Variants in BICC1 observed in about 807,000 individuals in gnomAD.
BICC1 encodes BicC family RNA binding protein 1.
BICC1 carries 43 observed loss-of-function variants against 111.0 expected under a neutral mutation model. That is an observed-to-expected ratio of 0.39 (90% CI 0.30 to 0.50). The LOEUF (loss-of-function observed/expected upper bound fraction) is 0.50. Among genes scored for constraint, BICC1 ranks in the 20% least tolerant of loss-of-function variants. The probability of loss-of-function intolerance (pLI) is 0.88; values close to 1 mark genes in which losing one functional copy is unlikely to be tolerated. For synonymous variants in BICC1, 467 were observed against 434.4 expected (o/e 1.07, Z -0.93); for missense variants, 1,091 against 1,203.2 (o/e 0.91, Z 1.38).
At chr10:58,555,928 T>G (rs1843438024) in intron 1 of BICC1, among the ~76,000 whole-genome samples, 1 of 152,184 alleles carries the variant, frequency 6.6e-6, no homozygotes, top group Non-Finnish European at 1.5e-5. Flanking sequence ...TCATTCCCAG[T>G]TAGATAGTGT....
intron 2 of BICC1, among the ~76,000 whole-genome samples, chr10:58,698,901 G>A (rs1041067662): frequency 3.9e-5 from 6 of 152,152 alleles, no homozygotes; most frequent in African/African-American, 7.2e-5. Context: ...ATTTGTCTCC[G>A]GAGTCCCTGC....
At chr10:58,644,424 C>T (rs1365535070) in intron 2 of BICC1, among the ~76,000 whole-genome samples, 1 of 152,188 alleles carries the variant, frequency 6.6e-6, no homozygotes, top group African/African-American at 2.4e-5. Context: ...TCTTTTGAGT[C>T]AACTCCCTAA....
chr10:58,747,018 G>C (rs917564437), intron 3 of BICC1, among the ~76,000 whole-genome samples: 1 of 152,154 alleles, frequency 6.6e-6, no homozygotes, highest in Admixed American at 6.5e-5. Flanking sequence ...CAGAAACCAA[G>C]TGATTTATCA....
At chr10:58,512,607 G>T (rs1433200261), upstream of BICC1, among the ~76,000 whole-genome samples, 1 of 152,066 alleles carries the variant, frequency 6.6e-6, no homozygotes, top group Non-Finnish European at 1.5e-5. Flanking sequence ...GAATTACGTG[G>T]ATACTCCATG....
intron 1 of BICC1, among the ~76,000 whole-genome samples, chr10:58,584,224 T>G (rs1430233785): frequency 6.6e-6 from 1 of 152,180 alleles, no homozygotes; most frequent in African/African-American, 2.4e-5. Flanking sequence ...GTTTCAGCAT[T>G]TAAGACTCAA....
intron 3 of BICC1, among the ~76,000 whole-genome samples, chr10:58,727,789 G>A (rs1440052894): frequency 1.3e-5 from 2 of 152,064 alleles, no homozygotes; most frequent in Non-Finnish European, 2.9e-5. Context: ...GACATACCTT[G>A]GAGACACTGC....
At chr10:58,520,173 G>A (rs976440057) in intron 1 of BICC1, among the ~76,000 whole-genome samples, 3 of 152,108 alleles carry the variant, frequency 2.0e-5, no homozygotes, top group East Asian at 1.9e-4. Flanking sequence ...TTCTTAGTTC[G>A]TTTTAAGATA....
intron 2 of BICC1, 58 bp from the exon 3 acceptor site, chr10:58,702,016 C>A (rs958226209): frequency 2.3e-6 from 3 of 1,321,846 alleles, no homozygotes; most frequent in Admixed American, 3.8e-5. Context: ...TGTGAAAAAT[C>A]TTATCTGTAA....
intron 1 of BICC1, among the ~76,000 whole-genome samples, chr10:58,611,948 T>C (rs1412991212): frequency 6.6e-6 from 1 of 152,200 alleles, no homozygotes. Flanking sequence ...ATTATATTTA[T>C]TTTTGTCTAT....
At position 58,727,494 on chromosome 10, in the gene BICC1, G is replaced by A. The variant is rs189744464; in HGVS notation, c.307+25351G>A. ...CCCAGCTACTTGGGAGGCTGAGGCA[G>A]GGGAATCACTTAAGCTCGGGAGACT... On this transcript the variant is annotated intron_variant, in intron 3 of 20. Transcript: ENST00000373886. 1.9e-3 allele frequency among the ~76,000 whole-genome samples: 287 copies of A among 152,156 alleles called. 1 individual carries two copies. Among genetic ancestry groups the A allele is most frequent in the Non-Finnish European group, 2.8e-3 (193 of 68,000 alleles).
At chr10:58,812,518 G>A (rs1371219755) in intron 17 of BICC1, among the ~76,000 whole-genome samples, 2 of 145,120 alleles carry the variant, frequency 1.4e-5, no homozygotes, top group East Asian at 4.0e-4. Context: ...TCACTCTGTT[G>A]CCCAGGCTGA....
At chr10:58,526,666 A>G (rs1281576973) in intron 1 of BICC1, among the ~76,000 whole-genome samples, 1 of 152,174 alleles carries the variant, frequency 6.6e-6, no homozygotes, top group African/African-American at 2.4e-5. Flanking sequence ...CCTAAGAGTG[A>G]GAACATGCGG....
chr10:58,717,300 C>G (rs1260382931), intron 3 of BICC1, among the ~76,000 whole-genome samples: 1 of 151,590 alleles, frequency 6.6e-6, no homozygotes, highest in African/African-American at 2.4e-5. Context: ...AAGTTCATTA[C>G]TATGTTTAAT....
At chr10:58,694,176 G>C (rs150020730) in intron 2 of BICC1, among the ~76,000 whole-genome samples, 144 of 152,188 alleles carry the variant, frequency 9.5e-4, no homozygotes, top group Non-Finnish European at 1.5e-3. Context: ...TTCCAGCATT[G>C]TCATTTTTTG....
intron 3 of BICC1, among the ~76,000 whole-genome samples, chr10:58,704,997 C>T (rs1840348459): frequency 6.6e-6 from 1 of 152,194 alleles, no homozygotes; most frequent in Non-Finnish European, 1.5e-5. Context: ...AGCCATTAAT[C>T]CTTTATCGAG....
At position 58,813,753 on chromosome 10, in the gene BICC1, T is replaced by C. The variant is rs1227880254; in HGVS notation, c.2377-77T>C. ...AGAGAAGTAAACGGCAGTGGTGTAA[T>C]GTGGATTCTTTTCTCCTCCCACCCT... On this transcript the variant is annotated intron_variant, in intron 17 of 20. Coordinates refer to ENST00000373886, the MANE Select transcript of BICC1 (RefSeq NM_001080512.3). 1.4e-5 allele frequency: 20 copies of C among 1,421,624 alleles called. No individual in the cohort carries two copies. The East Asian group carries it at 4.3e-4, about 31-fold the overall frequency. The allele number at this position is 1,421,624 out of a possible 1,614,324, so 88.1% of individuals were successfully genotyped here. A position where few individuals can be genotyped will look rare whatever the true frequency, so the allele number is the denominator to read the frequency against.
intron 3 of BICC1, among the ~76,000 whole-genome samples, chr10:58,703,909 C>T (rs1044288498): frequency 7.3e-5 from 11 of 150,416 alleles, no homozygotes; most frequent in African/African-American, 2.7e-4. Context: ...CTTTTTATGT[C>T]TTATTCTCTT....
intron 2 of BICC1, among the ~76,000 whole-genome samples, chr10:58,638,122 C>A (rs1036702052): frequency 2.0e-5 from 3 of 151,872 alleles, no homozygotes; most frequent in Admixed American, 1.3e-4. Flanking sequence ...TTAACTAATA[C>A]GATGACTTTT....
chr10:58,712,479 A>G (rs1228389930), intron 3 of BICC1, among the ~76,000 whole-genome samples: 2 of 152,256 alleles, frequency 1.3e-5, no homozygotes, highest in Admixed American at 1.3e-4. Context: ...AGGTGAATGG[A>G]TAAATGTGGT....
Sources: gnomAD v4.1 joint callset for allele counts (sites outside exome capture counted in the v4.1 genomes callset) on GRCh38, gnomAD v4.1.1 for gene constraint, MANE v1.5 for transcripts, NCBI Gene and HGNC (gene_info 2026-07-23, HGNC 2026-07-21) for gene names.